Variants in MARCHF3 observed in about 807,000 individuals in gnomAD.
MARCHF3 encodes the protein membrane associated ring-CH-type finger 3.
A neutral mutation model predicts 24.2 loss-of-function variants in MARCHF3; 13 were observed. The observed-to-expected ratio is 0.54, with a 90% CI of 0.35 to 0.85. The LOEUF is 0.85. Ranked by LOEUF, MARCHF3 falls within the 40% of genes least tolerant of loss-of-function variation. The probability of loss-of-function intolerance (pLI) is 0.01; values close to 1 mark genes in which losing one functional copy is unlikely to be tolerated. For synonymous variants in MARCHF3, 144 were observed against 137.3 expected, an observed-to-expected ratio of 1.05 and a Z score of -0.34; for missense variants, 276 against 325.0, an observed-to-expected ratio of 0.85 and a Z score of 1.16.
intron 1 of MARCHF3, among the ~76,000 whole-genome samples, chr5:126,992,044 G>A (rs1751781632): frequency 6.6e-6 from 1 of 152,172 alleles, no homozygotes; most frequent in African/African-American, 2.4e-5. Flanking sequence ...TGATAAAAGA[G>A]AACGGCATCC....
chr5:126,903,250 G>A (rs1001703142), intron 3 of MARCHF3, among the ~76,000 whole-genome samples: 1 of 152,064 alleles, frequency 6.6e-6, no homozygotes, highest in African/African-American at 2.4e-5. Flanking sequence ...GCAAGATGGT[G>A]GAGGGCTAGG....
Position 126,911,942 on chromosome 5 carries a change from T to G in MARCHF3, c.393+2988A>C, listed in dbSNP as rs576333984. Among the ~76,000 whole-genome samples the G allele has an allele frequency of 2.0e-5, 3 of 152,320 alleles. No individual in the cohort carries two copies. The South Asian group carries it at 6.2e-4, about 32-fold the overall frequency. The stretch of plus-strand genomic sequence containing the variant: ...GCTTTATAGAGACCAAAAGATGTCA[T>G]GGAGAGCTCTTTGCTCACCCTCTTC... On this transcript the variant is annotated intron_variant, in intron 3 of 4. Transcript: ENST00000308660.
chr5:126,894,480 C>A (rs1287361116), intron 3 of MARCHF3, among the ~76,000 whole-genome samples: 1 of 150,982 alleles, frequency 6.6e-6, no homozygotes, highest in Admixed American at 6.6e-5. Context: ...TAGGGCAGGC[C>A]TGGTGGTGAC....
At chr5:126,912,683 C>T (rs1302234446) in intron 3 of MARCHF3, among the ~76,000 whole-genome samples, 1 of 152,174 alleles carries the variant, frequency 6.6e-6, no homozygotes, top group African/African-American at 2.4e-5. Context: ...TTAGTAATGT[C>T]ATTTGTTTAA....
chr5:127,027,738 G>A (rs1227176390), intron 1 of MARCHF3, among the ~76,000 whole-genome samples: 1 of 152,160 alleles, frequency 6.6e-6, no homozygotes, highest in African/African-American at 2.4e-5. Context: ...ATTTCACAAG[G>A]CCAGTAAATG....
chr5:126,993,069 G>GT (rs1751826118), intron 1 of MARCHF3, among the ~76,000 whole-genome samples: 1 of 152,160 alleles, frequency 6.6e-6, no homozygotes, highest in Non-Finnish European at 1.5e-5. Flanking sequence ...ACTGCGCCTG[G>GT]CCGACATCCC....
At chr5:126,880,100 A>G (rs1753295205) in intron 3 of MARCHF3, among the ~76,000 whole-genome samples, 2 of 152,164 alleles carry the variant, frequency 1.3e-5, no homozygotes, top group Admixed American at 6.5e-5. Context: ...GACAAAATAG[A>G]AAAGCGGCAA....
At chr5:126,986,559 T>C (rs570912205) in intron 1 of MARCHF3, among the ~76,000 whole-genome samples, 1 of 152,310 alleles carries the variant, frequency 6.6e-6, no homozygotes, top group East Asian at 1.9e-4. Context: ...GAAAACAGTT[T>C]CATTTAAATA....
chr5:126,954,666 TG>T (rs774312315), intron 1 of MARCHF3, among the ~76,000 whole-genome samples: 34 of 150,930 alleles, frequency 2.3e-4, no homozygotes, highest in Non-Finnish European at 4.1e-4. Flanking sequence ...CCACCATGCC[TG>T]GCCCCAGTTT....
chr5:126,872,491 G>A (rs1429842631), intron 4 of MARCHF3, among the ~76,000 whole-genome samples: 10 of 152,188 alleles, frequency 6.6e-5, no homozygotes, highest in Non-Finnish European at 5.9e-5. Flanking sequence ...GTAAGTGCTG[G>A]AAAGGAAGGA....
intron 1 of MARCHF3, among the ~76,000 whole-genome samples, chr5:126,942,836 C>T (rs1580666464): frequency 6.6e-6 from 1 of 152,120 alleles, no homozygotes; most frequent in Non-Finnish European, 1.5e-5. Context: ...TAAAACATTC[C>T]CCAACTCAAA....
chr5:127,010,532 A>G (rs192143937), intron 1 of MARCHF3, among the ~76,000 whole-genome samples: 6 of 152,232 alleles, frequency 3.9e-5, no homozygotes, highest in South Asian at 2.1e-4. Flanking sequence ...ATTTTCTCCA[A>G]TTGGAAGCCA....
intron 3 of MARCHF3, among the ~76,000 whole-genome samples, chr5:126,896,193 A>G (rs1753903579): frequency 6.6e-6 from 1 of 152,064 alleles, no homozygotes; most frequent in Admixed American, 6.6e-5. Context: ...GCACCCACTG[A>G]CCTGCGCCCA....
chr5:126,957,612 T>A (rs557196212), intron 1 of MARCHF3, among the ~76,000 whole-genome samples: 34 of 152,298 alleles, frequency 2.2e-4, no homozygotes, highest in Non-Finnish European at 4.0e-4. Flanking sequence ...GTCATCTTTA[T>A]CTGTAGTAAA....
At chr5:126,878,962 TGCC>T (rs1414079650) in intron 3 of MARCHF3, among the ~76,000 whole-genome samples, 1 of 152,222 alleles carries the variant, frequency 6.6e-6, no homozygotes, top group African/African-American at 2.4e-5. Flanking sequence ...AGACACTTTA[TGCC>T]AACAATGTGA....
chr5:126,954,667 G>A (rs974277416), intron 1 of MARCHF3, among the ~76,000 whole-genome samples: 6 of 150,554 alleles, frequency 4.0e-5, no homozygotes, highest in African/African-American at 4.9e-5. Flanking sequence ...CACCATGCCT[G>A]GCCCCAGTTT....
At chr5:126,972,806 T>TA (rs887794578) in intron 1 of MARCHF3, among the ~76,000 whole-genome samples, 3 of 151,918 alleles carry the variant, frequency 2.0e-5, no homozygotes, top group African/African-American at 2.4e-5. Flanking sequence ...AAACAGGATG[T>TA]AAAAAAAACA....
intron 1 of MARCHF3, among the ~76,000 whole-genome samples, chr5:126,997,492 T>C (rs1340886397): frequency 6.6e-6 from 1 of 152,180 alleles, no homozygotes; most frequent in Non-Finnish European, 1.5e-5. Flanking sequence ...GAATGCTGCC[T>C]GAGGGAGGCT....
At chr5:126,930,993 A>G (rs1476979024) in intron 1 of MARCHF3, among the ~76,000 whole-genome samples, 1 of 152,226 alleles carries the variant, frequency 6.6e-6, no homozygotes, top group East Asian at 1.9e-4. Context: ...AGCATTCATG[A>G]AAAATGTGTA....
Sources: gnomAD v4.1 joint callset for allele counts (sites outside exome capture counted in the v4.1 genomes callset) on GRCh38, gnomAD v4.1.1 for gene constraint, MANE v1.5 for transcripts, NCBI Gene and HGNC (gene_info 2026-07-23, HGNC 2026-07-21) for gene names.